The following CADM2 variants were observed in gnomAD, a reference collection of about 807,000 sequenced individuals.
CADM2 encodes the protein immunoglobulin superfamily member 4D.
Under a neutral mutation model 49.8 loss-of-function variants are expected in CADM2, and 12 were observed. The observed-to-expected ratio is 0.24, with a 90% CI of 0.15 to 0.39. The LOEUF (loss-of-function observed/expected upper bound fraction) is 0.39, where lower values mean the gene tolerates loss of function less well. Ranked by LOEUF, CADM2 falls within the 10% of genes least tolerant of loss-of-function variation. The pLI is 1.00. For synonymous variants in CADM2, 214 were observed against 175.4 expected (o/e 1.22, Z -1.74); for missense variants, 378 against 492.3 (o/e 0.77, Z 2.20).
intron 3 of CADM2, among the ~76,000 whole-genome samples, chr3:85,808,093 AGAAATCAT>A (rs2072566873): frequency 6.6e-6 from 1 of 152,224 alleles, no homozygotes. Flanking sequence ...CCCAAAAATC[AGAAATCAT>A]TAGCCTACAA....
intron 3 of CADM2, among the ~76,000 whole-genome samples, chr3:85,834,434 A>G (rs1269116797): frequency 6.6e-6 from 1 of 151,652 alleles, no homozygotes; most frequent in Non-Finnish European, 1.5e-5. Context: ...AAAAGTGTCA[A>G]CTAATAAGAT....
rs142740942 is a variant in CADM2 at position 85,346,750 on chromosome 3, C to A, written c.62-379772C>A. On this transcript the variant is annotated intron_variant, in intron 1 of 9. Transcript: ENST00000383699. Reference sequence around the variant, plus strand: ...TACGAAATGTAATTTGTTTTTCTAACCTTTGTCAATACCAGATGTGGGGAT... The same window carrying A: ...TACGAAATGTAATTTGTTTTTCTAAACTTTGTCAATACCAGATGTGGGGAT... Among the ~76,000 whole-genome samples the A allele has an allele frequency of 8.7e-3, 1,329 of 152,084 alleles. 16 individuals are homozygous for A. Among genetic ancestry groups the A allele is most frequent in the African/African-American group, 0.031 (1,280 of 41,482 alleles).
rs528339983 is a variant in CADM2 at position 85,990,819 on chromosome 3, T to C, written c.970+29172T>C. On this transcript the variant is annotated intron_variant, in intron 8 of 9. Coordinates refer to ENST00000383699, the MANE Select transcript of CADM2 (RefSeq NM_001167675.2). The stretch of plus-strand genomic sequence containing the variant: ...GTAGATAGACCATCCTTTAAAGCCA[T>C]GCGAGGCTTCTTAGAAAATTAAGCT... 2.0e-3 allele frequency among the ~76,000 whole-genome samples: 298 copies of C among 152,304 alleles called. 5 individuals are homozygous for C. In the South Asian group the frequency reaches 0.024, roughly 12 times the overall value.
intron 1 of CADM2, among the ~76,000 whole-genome samples, chr3:85,062,761 A>C (rs1009811535): frequency 2.6e-5 from 4 of 152,012 alleles, no homozygotes; most frequent in Non-Finnish European, 5.9e-5. Flanking sequence ...TGTTGCTATG[A>C]CATGAAAATT....
intron 2 of CADM2, among the ~76,000 whole-genome samples, chr3:85,761,776 G>C (rs2069395276): frequency 6.6e-6 from 1 of 152,170 alleles, no homozygotes; most frequent in Admixed American, 6.5e-5. Context: ...TTTGTTAGTA[G>C]CATTGTGCTG....
At chr3:85,500,700 G>A (rs897778832) in intron 1 of CADM2, among the ~76,000 whole-genome samples, 1 of 151,910 alleles carries the variant, frequency 6.6e-6, no homozygotes, top group Admixed American at 6.6e-5. Context: ...TGTATTTTTA[G>A]TGGAGATGAG....
chr3:85,095,924 ATATGT>A (rs2037777508), intron 1 of CADM2, among the ~76,000 whole-genome samples: 1 of 151,924 alleles, frequency 6.6e-6, no homozygotes, highest in African/African-American at 2.4e-5. Flanking sequence ...TCTGCTTGTG[ATATGT>A]TGTGCAGTTG....
chr3:85,981,842 A>G (rs1020551972), intron 8 of CADM2, among the ~76,000 whole-genome samples: 2 of 151,694 alleles, frequency 1.3e-5, no homozygotes, highest in Admixed American at 1.3e-4. Context: ...TTTATGGTAG[A>G]ACAATTTATA....
In CADM2 at chr3:85,631,944, G is replaced by T. The variant is rs557924225; in HGVS notation, c.62-94578G>T. Among the ~76,000 whole-genome samples the T allele has an allele frequency of 5.8e-4, 89 of 152,172 alleles. 3 individuals are homozygous for T. In the South Asian group the frequency reaches 0.017, roughly 29 times the overall value. On this transcript the variant is annotated intron_variant, in intron 1 of 9. Coordinates refer to ENST00000383699, the MANE Select transcript of CADM2 (RefSeq NM_001167675.2). ...TCCAAATACCAACAAATTTACTGGA[G>T]CTTAGTCCTTTAGTTCAGACTTGAT...
chr3:85,237,136 A>G (rs762292828), intron 1 of CADM2, among the ~76,000 whole-genome samples: 3 of 152,084 alleles, frequency 2.0e-5, no homozygotes, highest in African/African-American at 7.2e-5. Flanking sequence ...GCAAGCGATT[A>G]GTTTTCAAAG....
intron 8 of CADM2, among the ~76,000 whole-genome samples, chr3:86,011,478 A>C (rs1192030036): frequency 6.6e-6 from 1 of 152,172 alleles, no homozygotes; most frequent in Non-Finnish European, 1.5e-5. Flanking sequence ...TATGTATACC[A>C]AAGGCCGTTG....
At chr3:85,560,821 A>G (rs760801750) in intron 1 of CADM2, among the ~76,000 whole-genome samples, 1 of 152,218 alleles carries the variant, frequency 6.6e-6, no homozygotes, top group Admixed American at 6.5e-5. Context: ...TAAAACAAAC[A>G]GGAAAAAAAG....
intron 7 of CADM2, among the ~76,000 whole-genome samples, chr3:85,938,990 T>G (rs1721505192): frequency 6.6e-6 from 1 of 152,034 alleles, no homozygotes; most frequent in Non-Finnish European, 1.5e-5. Context: ...TTATTCAGAG[T>G]AATTAGGTAT....
chr3:84,961,675 T>G (rs1351268174), intron 1 of CADM2, among the ~76,000 whole-genome samples: 1 of 151,426 alleles, frequency 6.6e-6, no homozygotes. Flanking sequence ...GTTGGGGGAG[T>G]GTGATGTGGG....
At chr3:85,031,734 A>G in intron 1 of CADM2, among the ~76,000 whole-genome samples, 1 of 151,744 alleles carries the variant, frequency 6.6e-6, no homozygotes. Context: ...GTTAGCCAGG[A>G]TGGTCTCGAT....
At chr3:85,591,709 G>A (rs1215566818) in intron 1 of CADM2, among the ~76,000 whole-genome samples, 1 of 152,028 alleles carries the variant, frequency 6.6e-6, no homozygotes, top group African/African-American at 2.4e-5. Context: ...CAGAGCATCA[G>A]CTAGATCTTT....
At chr3:85,890,043 C>T (rs76995856) in intron 5 of CADM2, among the ~76,000 whole-genome samples, 5,177 of 152,050 alleles carry the variant, frequency 0.034, 295 homozygotes, top group African/African-American at 0.12. Context: ...AAGTCTCAGT[C>T]GATCTAGAGG....
At chr3:85,744,448 A>G (rs1011296183) in intron 2 of CADM2, among the ~76,000 whole-genome samples, 2 of 152,130 alleles carry the variant, frequency 1.3e-5, no homozygotes, top group African/African-American at 4.8e-5. Context: ...CACATTGTGT[A>G]TCTGTATCAA....
At chr3:85,049,921 G>A (rs1249030242) in intron 1 of CADM2, among the ~76,000 whole-genome samples, 6 of 151,902 alleles carry the variant, frequency 3.9e-5, no homozygotes, top group African/African-American at 1.5e-4. Flanking sequence ...TTTAATAGAA[G>A]TTCCCCACTT....
Sources: gnomAD v4.1 joint callset for allele counts (sites outside exome capture counted in the v4.1 genomes callset) on GRCh38, gnomAD v4.1.1 for gene constraint, MANE v1.5 for transcripts, NCBI Gene and HGNC (gene_info 2026-07-23, HGNC 2026-07-21) for gene names.